Variants in SLC4A4 observed in about 807,000 individuals in gnomAD.
SLC4A4 encodes the protein solute carrier family 4 member 4.
SLC4A4 carries 27 observed loss-of-function variants against 111.5 expected under a neutral mutation model. That is an observed-to-expected ratio of 0.24 (90% confidence interval 0.18 to 0.33). SLC4A4 has a LOEUF of 0.33. SLC4A4 is among the 10% of genes least tolerant of loss of function. The probability of loss-of-function intolerance (pLI) is 1.00; values close to 1 mark genes in which losing one functional copy is unlikely to be tolerated. For missense variants in SLC4A4, 909 were observed against 1,315.5 expected (o/e 0.69, Z 4.78); for synonymous variants, 443 against 463.4 (o/e 0.96, Z 0.57).
At chr4:71,378,347 T>C (rs563440941) in intron 6 of SLC4A4, among the ~76,000 whole-genome samples, 1 of 152,318 alleles carries the variant, frequency 6.6e-6, no homozygotes, top group South Asian at 2.1e-4. Context: ...TGTGAAGTTA[T>C]GGAAGGCCAC....
chr4:71,448,896 G>A (rs942695074), intron 9 of SLC4A4, among the ~76,000 whole-genome samples: 3 of 152,138 alleles, frequency 2.0e-5, no homozygotes, highest in Non-Finnish European at 4.4e-5. Context: ...AAGCTTTATG[G>A]CTATGCTGCT....
At chr4:71,315,042 A>G (rs545550594) in intron 3 of SLC4A4, among the ~76,000 whole-genome samples, 3 of 152,294 alleles carry the variant, frequency 2.0e-5, no homozygotes, top group African/African-American at 7.2e-5. Flanking sequence ...GGGAGATTGG[A>G]TAAGCTAGAC....
chr4:71,274,699 C>G (rs1722947272), intron 3 of SLC4A4, among the ~76,000 whole-genome samples: 1 of 152,144 alleles, frequency 6.6e-6, no homozygotes, highest in East Asian at 1.9e-4. Flanking sequence ...TCTAGCCTAG[C>G]TGTGCCTTTT....
chr4:71,261,907 G>A (rs2579329), intron 3 of SLC4A4, among the ~76,000 whole-genome samples: 135,420 of 152,166 alleles, frequency 0.89, 61,856 homozygotes, highest in Non-Finnish European at 0.99. Flanking sequence ...GTGCTGGGGT[G>A]CTCAGGGCTA....
intron 18 of SLC4A4, among the ~76,000 whole-genome samples, chr4:71,544,562 C>G (rs920481443): frequency 6.6e-5 from 10 of 152,020 alleles, no homozygotes; most frequent in African/African-American, 2.2e-4. Context: ...AGCCAGAACC[C>G]AACCGCTTCT....
chr4:71,349,686 G>C (rs1237775485), intron 4 of SLC4A4, among the ~76,000 whole-genome samples: 1 of 152,134 alleles, frequency 6.6e-6, no homozygotes, highest in Non-Finnish European at 1.5e-5. Context: ...GGCTTCTCTT[G>C]CTTGGCTTTT....
intron 2 of SLC4A4, among the ~76,000 whole-genome samples, chr4:71,123,130 T>C (rs927406856): frequency 6.6e-6 from 1 of 151,664 alleles, no homozygotes; most frequent in African/African-American, 2.4e-5. Context: ...ATATGGAAAA[T>C]AGGAGAGAAG....
chr4:71,368,244 A>G (rs1281987762), intron 6 of SLC4A4, among the ~76,000 whole-genome samples: 3 of 152,228 alleles, frequency 2.0e-5, no homozygotes, highest in African/African-American at 7.2e-5. Flanking sequence ...GATAAAATGT[A>G]TCTGGAGAAA....
rs181688372 is a variant in SLC4A4, at chr4:71,208,953, G to A, written c.-2+21552G>A. 1.2e-4 allele frequency among the ~76,000 whole-genome samples: 18 copies of A among 152,160 alleles called. No individual in the cohort carries two copies. The East Asian group carries it at 1.5e-3, about 13-fold the overall frequency. On this transcript the variant is annotated intron_variant, in intron 1 of 25. Coordinates refer to ENST00000264485, the MANE Select transcript of SLC4A4 (RefSeq NM_001098484.3). ...GAGTTTCCAGACTTGAAATTGGCTA[G>A]CAATCAGCTGGAATATTTGGTTATA...
chr4:71,152,665 G>A (rs1055277149), intron 2 of SLC4A4, among the ~76,000 whole-genome samples: 1 of 151,972 alleles, frequency 6.6e-6, no homozygotes, highest in Non-Finnish European at 1.5e-5. Context: ...GCTTCCTCAG[G>A]TTAAAGGACA....
intron 9 of SLC4A4, among the ~76,000 whole-genome samples, chr4:71,448,445 T>C (rs1347177654): frequency 1.3e-5 from 2 of 152,156 alleles, no homozygotes; most frequent in Admixed American, 1.3e-4. Flanking sequence ...AATGATGGGT[T>C]CTATAAAATA....
chr4:71,146,768 C>T (rs1744183383), intron 2 of SLC4A4, among the ~76,000 whole-genome samples: 1 of 152,096 alleles, frequency 6.6e-6, no homozygotes, highest in African/African-American at 2.4e-5. Flanking sequence ...CAACTGGTAC[C>T]AGCCACTGCA....
In SLC4A4 at chr4:71,456,948, A is replaced by G. The variant is rs561379382; in HGVS notation, c.1497+3279A>G. 7.9e-5 allele frequency among the ~76,000 whole-genome samples: 12 copies of G among 152,302 alleles called. No individual in the cohort carries two copies. In the East Asian group the frequency reaches 2.1e-3, roughly 27 times the overall value. On this transcript the variant is annotated intron_variant, in intron 12 of 25. Coordinates refer to ENST00000264485, the MANE Select transcript of SLC4A4 (RefSeq NM_001098484.3). ...AAATGTGGCAGTGGGTTATTCACAAAAGCACAGGCAGCTCAAATGAGTCAA... is the reference window on the plus strand; with the variant it reads ...AAATGTGGCAGTGGGTTATTCACAAGAGCACAGGCAGCTCAAATGAGTCAA...
intron 1 of SLC4A4, among the ~76,000 whole-genome samples, chr4:71,218,049 A>T (rs1718536802): frequency 6.6e-6 from 1 of 152,246 alleles, no homozygotes; most frequent in Non-Finnish European, 1.5e-5. Context: ...ACAAGAAGAA[A>T]TAATTCTTTC....
intron 3 of SLC4A4, among the ~76,000 whole-genome samples, chr4:71,291,901 T>G (rs192303660): frequency 6.6e-6 from 1 of 152,324 alleles, no homozygotes; most frequent in East Asian, 1.9e-4. Flanking sequence ...AGTTTTTATT[T>G]CTGTGGGTAT....
chr4:71,406,869 A>T (rs1720899671), intron 7 of SLC4A4, among the ~76,000 whole-genome samples: 1 of 152,108 alleles, frequency 6.6e-6, no homozygotes, highest in Non-Finnish European at 1.5e-5. Context: ...GCTGTATCTG[A>T]TAGTATTGAG....
intron 4 of SLC4A4, among the ~76,000 whole-genome samples, chr4:71,344,073 A>T (rs1390069443): frequency 6.6e-6 from 1 of 152,018 alleles, no homozygotes; most frequent in African/African-American, 2.4e-5. Context: ...AGCACCTGTC[A>T]TCATTTAGCA....
chr4:71,213,206 A>T (rs1718238291), intron 1 of SLC4A4, among the ~76,000 whole-genome samples: 1 of 152,222 alleles, frequency 6.6e-6, no homozygotes, highest in South Asian at 2.1e-4. Context: ...ACCTGATGAT[A>T]ACTCAGAATT....
At chr4:71,319,327 TG>T (rs1449592367) in intron 3 of SLC4A4, among the ~76,000 whole-genome samples, 2 of 152,064 alleles carry the variant, frequency 1.3e-5, no homozygotes, top group Non-Finnish European at 2.9e-5. Flanking sequence ...CTTAGGTCTC[TG>T]GAGTTGGTTA....
Sources: allele counts gnomAD v4.1 joint callset (sites outside exome capture counted in the v4.1 genomes callset), GRCh38; gene constraint gnomAD v4.1.1; transcripts MANE v1.5; gene names NCBI Gene and HGNC (gene_info 2026-07-23, HGNC 2026-07-21).